FOXP2: variants seen among roughly 807,000 people sequenced by gnomAD.
FOXP2 encodes forkhead box P2.
Under a neutral mutation model 115.8 loss-of-function variants are expected in FOXP2, and 12 were observed. The ratio of observed to expected loss-of-function variants is 0.10; its 90% CI spans 0.07 to 0.17. FOXP2 has a LOEUF of 0.17. FOXP2 is among the 10% of genes least tolerant of loss of function. FOXP2 has a pLI of 1.00. For synonymous variants in FOXP2, 328 were observed against 297.7 expected (o/e 1.10, Z -1.05); for missense variants, 629 against 843.5 (o/e 0.75, Z 3.15).
chr7:114,122,028 A>G lies in FOXP2; in HGVS notation c.-247+34190A>G, dbSNP rs78982478. On this transcript the variant is annotated intron_variant, in intron 1 of 19. Transcript: ENST00000635638. ...GATTAAATGAGTCCATCAGAACTTG[A>G]TAGCATTATAATTACACACATTACA... Among the ~76,000 whole-genome samples, 1,006 of 152,244 alleles carry G rather than the reference A, an allele frequency of 6.6e-3. 11 individuals carry two copies. The highest frequency in any genetic ancestry group is 0.023 in the African/African-American group (954 of 41,564).
intron 2 of FOXP2, among the ~76,000 whole-genome samples, chr7:114,436,148 T>A (rs1458794912): frequency 6.6e-6 from 1 of 152,116 alleles, no homozygotes; most frequent in East Asian, 1.9e-4. Context: ...GGCAAATCAC[T>A]GAACCCAGGA....
intron 2 of FOXP2, among the ~76,000 whole-genome samples, chr7:114,509,262 GT>G (rs1562966675): frequency 6.6e-6 from 1 of 151,342 alleles, no homozygotes; most frequent in Non-Finnish European, 1.5e-5. Flanking sequence ...TGGTTTAATG[GT>G]TTTTTTGTTT....
chr7:114,457,256 A>C (rs1444564500), intron 2 of FOXP2, among the ~76,000 whole-genome samples: 2 of 152,218 alleles, frequency 1.3e-5, no homozygotes, highest in South Asian at 2.1e-4. Flanking sequence ...AGTATATCAA[A>C]ACCATATTGT....
chr7:114,093,755 T>G (rs1215992160), intron 1 of FOXP2, among the ~76,000 whole-genome samples: 1 of 152,098 alleles, frequency 6.6e-6, no homozygotes, highest in Non-Finnish European at 1.5e-5. Flanking sequence ...TATATCCCAT[T>G]TAAATATAGA....
chr7:114,270,015 A>G (rs1266912345), intron 1 of FOXP2, among the ~76,000 whole-genome samples: 44 of 152,162 alleles, frequency 2.9e-4, no homozygotes, highest in Admixed American at 2.6e-3. Context: ...GATAATGAAT[A>G]CTCTGTGCTC....
chr7:114,553,843 C>A (rs1428969055), intron 3 of FOXP2, among the ~76,000 whole-genome samples: 1 of 152,066 alleles, frequency 6.6e-6, no homozygotes, highest in Non-Finnish European at 1.5e-5. Flanking sequence ...AAAGATACCA[C>A]AATGATCTAT....
chr7:114,455,531 CT>C (rs1041310580), intron 2 of FOXP2, among the ~76,000 whole-genome samples: 3 of 152,292 alleles, frequency 2.0e-5, no homozygotes, highest in African/African-American at 2.4e-5. Flanking sequence ...ATGGAAGCAC[CT>C]GTTGGACTTT....
intron 2 of FOXP2, among the ~76,000 whole-genome samples, chr7:114,321,380 A>G (rs2129181463): frequency 6.6e-6 from 1 of 151,872 alleles, no homozygotes; most frequent in Non-Finnish European, 1.5e-5. Flanking sequence ...TTGTATTTTT[A>G]GTAGAGACGG....
intron 2 of FOXP2, among the ~76,000 whole-genome samples, chr7:114,479,613 T>G (rs2129236242): frequency 6.6e-6 from 1 of 151,532 alleles, no homozygotes; most frequent in East Asian, 1.9e-4. Context: ...ACTGTTATTA[T>G]TTTTAAGTAT....
At chr7:114,142,085 G>T (rs1031161633) in intron 1 of FOXP2, among the ~76,000 whole-genome samples, 1 of 152,040 alleles carries the variant, frequency 6.6e-6, no homozygotes. Context: ...TGCAATTGCA[G>T]GATCTCGGCT....
intron 1 of FOXP2, among the ~76,000 whole-genome samples, chr7:114,097,452 G>C (rs1437162893): frequency 1.3e-5 from 2 of 152,106 alleles, no homozygotes; most frequent in African/African-American, 4.8e-5. Context: ...ATATTGTTGT[G>C]TATATCATTT....
chr7:114,092,327 T>C (rs149591640), intron 1 of FOXP2, among the ~76,000 whole-genome samples: 1,725 of 152,150 alleles, frequency 0.011, 24 homozygotes, highest in African/African-American at 0.038. Context: ...TTTTTTTCTT[T>C]TTTAGCAGAT....
intron 3 of FOXP2, chr7:114,538,253 G>A (rs1799492139): frequency 1.9e-6 from 2 of 1,074,868 alleles, no homozygotes; most frequent in Non-Finnish European, 2.6e-6. Context: ...CAATTTTCTA[G>A]CCTATGACAA....
intron 2 of FOXP2, among the ~76,000 whole-genome samples, chr7:114,462,650 C>T (rs1584766064): frequency 6.6e-6 from 1 of 152,088 alleles, no homozygotes; most frequent in South Asian, 2.1e-4. Flanking sequence ...GGATTACAGG[C>T]GTGAGCCACC....
At chr7:114,189,712 T>C (rs973990864) in intron 1 of FOXP2, among the ~76,000 whole-genome samples, 8 of 152,168 alleles carry the variant, frequency 5.3e-5, no homozygotes, top group African/African-American at 1.9e-4. Context: ...TGGGTCAAAA[T>C]TTAGGCAATT....
At position 114,602,831 on chromosome 7, in the gene FOXP2, A is replaced by T. The variant is rs185881958; in HGVS notation, c.259-25709A>T. On this transcript the variant is annotated intron_variant, in intron 3 of 16. Coordinates refer to ENST00000350908, the MANE Select transcript of FOXP2 (RefSeq NM_014491.4). ...AGACCATTGTATTAAAATCCAAGGAATCTAGGAATTGGTCTAAAATATGGG... is the reference window on the plus strand; with the variant it reads ...AGACCATTGTATTAAAATCCAAGGATTCTAGGAATTGGTCTAAAATATGGG... 1.3e-3 allele frequency among the ~76,000 whole-genome samples: 198 copies of T among 152,300 alleles called. 1 individual carries two copies. Among genetic ancestry groups the T allele is most frequent in the African/African-American group, 4.4e-3 (184 of 41,582 alleles).
At position 114,654,143 on chromosome 7, in the gene FOXP2, A is replaced by C; in HGVS notation, c.1266+134A>C. 4.5e-6 allele frequency: 7 copies of C among 1,549,052 alleles called. 1 individual carries two copies. The South Asian group carries it at 5.7e-5, about 13-fold the overall frequency. On this transcript the variant is annotated intron_variant, in intron 10 of 16. Transcript: ENST00000350908. ...GGCAATAAAATGAAAGTAAAATGTA[A>C]TCGCTTGTCAAATTGTATGTTTCTT...
intron 1 of FOXP2, among the ~76,000 whole-genome samples, chr7:114,418,751 T>C (rs139689915): frequency 1.3e-5 from 2 of 151,942 alleles, no homozygotes; most frequent in East Asian, 1.9e-4. Context: ...TTCAGGCGTA[T>C]ATCTTTCATG....
At chr7:114,629,647 G>A (rs1563045365) in intron 4 of FOXP2, 158 bp from the exon 5 acceptor site, 1 of 1,594,628 alleles carries the variant, frequency 6.3e-7, no homozygotes, top group Admixed American at 1.7e-5. Context: ...AAAAATGTAT[G>A]TAGAGCTGTC....
Sources: gnomAD v4.1 joint callset for allele counts (sites outside exome capture counted in the v4.1 genomes callset) on GRCh38, gnomAD v4.1.1 for gene constraint, MANE v1.5 for transcripts, NCBI Gene and HGNC (gene_info 2026-07-23, HGNC 2026-07-21) for gene names.